The following DDAH1 variants were observed in gnomAD, a reference collection of about 807,000 sequenced individuals.
DDAH1 encodes dimethylarginine dimethylaminohydrolase 1.
Under a neutral mutation model 28.8 loss-of-function variants are expected in DDAH1, and 19 were observed. That is an observed-to-expected ratio of 0.66 (90% CI 0.46 to 0.97). The LOEUF is 0.97. DDAH1 is among the 50% of genes least tolerant of loss of function. The pLI, the probability that DDAH1 is intolerant of heterozygous loss-of-function variation, is 0.00. For synonymous variants in DDAH1, 153 were observed against 154.4 expected (o/e 0.99, Z 0.07); for missense variants, 326 against 375.9 (o/e 0.87, Z 1.10).
chr1:85,483,837 C>T (rs1404035710), intron 2 of DDAH1, among the ~76,000 whole-genome samples: 1 of 152,072 alleles, frequency 6.6e-6, no homozygotes, highest in Non-Finnish European at 1.5e-5. Context: ...GCCCAACACT[C>T]GCTCTGATTG....
intron 2 of DDAH1, among the ~76,000 whole-genome samples, chr1:85,470,520 AAAGAG>A (rs1419156927): frequency 6.6e-6 from 1 of 152,238 alleles, no homozygotes; most frequent in Non-Finnish European, 1.5e-5. Context: ...GGGAATTCTC[AAAGAG>A]AAGGAGGGCT....
intron 2 of DDAH1, chr1:85,482,634 A>T (rs578261875): frequency 6.6e-6 from 1 of 152,220 alleles, no homozygotes; most frequent in Admixed American, 6.5e-5. Context: ...TGCATGCTTA[A>T]CAGACATTGC....
chr1:85,501,365 A>T (rs1350404461), intron 1 of DDAH1, among the ~76,000 whole-genome samples: 2 of 152,172 alleles, frequency 1.3e-5, no homozygotes, highest in Admixed American at 1.3e-4. Flanking sequence ...CTCCACTCAG[A>T]ACATCTACAT....
chr1:85,453,095 C>T (rs952686150), intron 1 of DDAH1, among the ~76,000 whole-genome samples: 1 of 152,082 alleles, frequency 6.6e-6, no homozygotes, highest in African/African-American at 2.4e-5. Flanking sequence ...TTTCAGGGAG[C>T]GTGTTCTAAA....
At chr1:85,468,413 C>T (rs1318290761), upstream of DDAH1, among the ~76,000 whole-genome samples, 4 of 152,016 alleles carry the variant, frequency 2.6e-5, no homozygotes, top group African/African-American at 7.2e-5. Flanking sequence ...AATGGACTTA[C>T]GATTCCACAT....
chr1:85,397,228 T>G (rs1651856608), intron 1 of DDAH1, among the ~76,000 whole-genome samples: 1 of 152,156 alleles, frequency 6.6e-6, no homozygotes, highest in Non-Finnish European at 1.5e-5. Flanking sequence ...AATTGCTTTA[T>G]TCTGATGCTG....
intron 1 of DDAH1, among the ~76,000 whole-genome samples, chr1:85,540,960 T>TAAA (rs140965112): frequency 6.8e-4 from 73 of 106,658 alleles, no homozygotes; most frequent in Admixed American, 1.0e-3. Flanking sequence ...ACTCAGTATC[T>TAAA]AAAAAAAAAA....
At chr1:85,494,218 A>C (rs1279467855) in intron 2 of DDAH1, 1 of 152,182 alleles carries the variant, frequency 6.6e-6, no homozygotes, top group African/African-American at 2.4e-5. Flanking sequence ...AAGTAGTGCT[A>C]GTATTTATAG....
chr1:85,511,456 C>T (rs2100750813), intron 1 of DDAH1, among the ~76,000 whole-genome samples: 1 of 152,178 alleles, frequency 6.6e-6, no homozygotes, highest in African/African-American at 2.4e-5. Context: ...GAAGCAAGAG[C>T]AAACACATTC....
intron 2 of DDAH1, chr1:85,493,769 C>A (rs1213446389): frequency 6.6e-6 from 1 of 152,196 alleles, no homozygotes; most frequent in Non-Finnish European, 1.5e-5. Flanking sequence ...CTCAGCATCT[C>A]TCCACTGTTG....
At chr1:85,436,801 G>C (rs547265828) in intron 1 of DDAH1, among the ~76,000 whole-genome samples, 16 of 152,140 alleles carry the variant, frequency 1.1e-4, no homozygotes, top group Non-Finnish European at 2.4e-4. Context: ...GTTGTGAAGC[G>C]GTAGACATTT....
At chr1:85,472,612 G>T (rs867239081) in intron 2 of DDAH1, among the ~76,000 whole-genome samples, 1 of 152,022 alleles carries the variant, frequency 6.6e-6, no homozygotes, top group African/African-American at 2.4e-5. Context: ...CCACATTAGG[G>T]GCTAATGAGA....
chr1:85,421,300 C>T (rs1653131458), intron 1 of DDAH1, among the ~76,000 whole-genome samples: 1 of 152,114 alleles, frequency 6.6e-6, no homozygotes, highest in South Asian at 2.1e-4. Flanking sequence ...TGTGTTGTAT[C>T]TTTTGTTTTT....
chr1:85,331,423 G>GTATA (rs138000758), intron 4 of DDAH1, among the ~76,000 whole-genome samples: 14 of 148,558 alleles, frequency 9.4e-5, no homozygotes, highest in Non-Finnish European at 1.8e-4. Context: ...ATTCATATAT[G>GTATA]TATATATATA....
At chr1:85,570,890 G>T (rs1378228) in intron 1 of DDAH1, among the ~76,000 whole-genome samples, 48,991 of 151,836 alleles carry the variant, frequency 0.32, 8,336 homozygotes, top group South Asian at 0.6. Flanking sequence ...AAAAAAAAGA[G>T]AGAAAAATGG....
intron 4 of DDAH1, among the ~76,000 whole-genome samples, chr1:85,328,118 A>G (rs233127): frequency 0.35 from 52,884 of 151,996 alleles, 9,328 homozygotes; most frequent in South Asian, 0.4. Flanking sequence ...TAAAATCAAC[A>G]AGGCCAAGGT....
intron 1 of DDAH1, among the ~76,000 whole-genome samples, chr1:85,405,011 T>G (rs1652340817): frequency 6.6e-6 from 1 of 152,246 alleles, no homozygotes; most frequent in Non-Finnish European, 1.5e-5. Context: ...TTCTGTCATT[T>G]TCAACCCTGT....
chr1:85,468,598 C>T (rs1009108245), upstream of DDAH1, among the ~76,000 whole-genome samples: 2 of 151,236 alleles, frequency 1.3e-5, no homozygotes, highest in Non-Finnish European at 2.9e-5. Flanking sequence ...CGGCTCACTG[C>T]AAGCTCTGCC....
intron 1 of DDAH1, among the ~76,000 whole-genome samples, chr1:85,442,274 C>T (rs1223137505): frequency 6.6e-6 from 1 of 152,112 alleles, no homozygotes; most frequent in Non-Finnish European, 1.5e-5. Flanking sequence ...TGAGAACATG[C>T]AGTGTTTGGT....
Sources: gnomAD v4.1 joint callset for allele counts (sites outside exome capture counted in the v4.1 genomes callset) on GRCh38, gnomAD v4.1.1 for gene constraint, MANE v1.5 for transcripts, NCBI Gene and HGNC (gene_info 2026-07-23, HGNC 2026-07-21) for gene names.